SYNE1: variants seen among roughly 807,000 people sequenced by gnomAD.
The protein encoded by SYNE1 is spectrin repeat containing nuclear envelope protein 1, also known as nesprin-1.
In SYNE1, 616 loss-of-function variants were observed where a neutral mutation model predicts 1,111.0. The ratio of observed to expected loss-of-function variants is 0.55; its 90% CI spans 0.52 to 0.59. The LOEUF (loss-of-function observed/expected upper bound fraction) is 0.59. Ranked by LOEUF, SYNE1 falls within the 20% of genes least tolerant of loss-of-function variation. The probability of loss-of-function intolerance (pLI) is 0.00; values close to 1 mark genes in which losing one functional copy is unlikely to be tolerated. For synonymous variants in SYNE1, 3,855 were observed against 3,825.8 expected (o/e 1.01, Z -0.28); for missense variants, 10,006 against 10,417.0 (o/e 0.96, Z 1.72).
intron 3 of SYNE1, among the ~76,000 whole-genome samples, chr6:152,627,469 A>G (rs1473060867): frequency 6.8e-6 from 1 of 146,842 alleles, no homozygotes; most frequent in Non-Finnish European, 1.5e-5. Flanking sequence ...CCGGGTCAAC[A>G]TGGTGAAACC....
In SYNE1 at chr6:152,239,332, A is replaced by C. The variant is rs115239120; in HGVS notation, c.20067+201T>G. Among the ~76,000 whole-genome samples the C allele has an allele frequency of 4.7e-3, 710 of 152,324 alleles. 9 individuals carry two copies. Among genetic ancestry groups the C allele is most frequent in the African/African-American group, 0.016 (656 of 41,572 alleles). ...ATCTATCTTACTTTCGACATGGCAC[A>C]GCAGATAGCCCAATGTACACAGAAA... is the stretch of plus-strand genomic sequence containing the variant. On this transcript the variant is annotated intron_variant, in intron 108 of 145. Transcript: ENST00000367255.
chr6:152,451,590 C>T (rs1475356101), intron 25 of SYNE1, among the ~76,000 whole-genome samples: 1 of 143,084 alleles, frequency 7.0e-6, no homozygotes, highest in Non-Finnish European at 1.5e-5. Context: ...TCAAGCGATT[C>T]TCCTGTCTCA....
chr6:152,354,881 C>T lies in SYNE1; in HGVS notation c.10704G>A (p.Glu3568=). 1 of 1,614,182 alleles carries T rather than the reference C, an allele frequency of 6.2e-7. No homozygotes were observed. Among genetic ancestry groups the T allele is most frequent in the South Asian group, 1.1e-5 (1 of 91,082 alleles). The change falls in exon 67 of 146, where the codon GAG becomes GAA. Residue 3568 remains glutamate, a synonymous_variant. Coordinates refer to ENST00000367255, the MANE Select transcript of SYNE1 (RefSeq NM_182961.4). ...DVIPSGIPQA[E]DRALESLRQD... The stretch of plus-strand genomic sequence containing the variant: ...GCCGGAGAGACTCTAAAGCCCGGTC[C>T]TCTGCCTGTGGGATACCTGATGGGA...
At chr6:152,313,823 A>G (rs2095627439) in intron 87 of SYNE1, among the ~76,000 whole-genome samples, 1 of 152,144 alleles carries the variant, frequency 6.6e-6, no homozygotes, top group South Asian at 2.1e-4. Flanking sequence ...AAAAGAGTCT[A>G]CAGTCTGCGT....
intron 137 of SYNE1, chr6:152,144,481 AGTGT>A (rs58614483): frequency 8.6e-4 from 97 of 112,228 alleles, no homozygotes; most frequent in South Asian, 1.4e-3. Flanking sequence ...AATTACTGAG[AGTGT>A]GTGTGTGTGT....
chr6:152,284,636 TTA>T (rs1491093112), intron 95 of SYNE1, among the ~76,000 whole-genome samples: 22 of 147,054 alleles, frequency 1.5e-4, no homozygotes, highest in Middle Eastern at 3.5e-3. Flanking sequence ...TTTTTTTTTT[TTA>T]CTTTTTGTAA....
chr6:152,243,065 A>G (rs1033486946), intron 106 of SYNE1, among the ~76,000 whole-genome samples: 10 of 152,226 alleles, frequency 6.6e-5, no homozygotes, highest in African/African-American at 2.2e-4. Context: ...TGTTTCCTAG[A>G]AATGATACAT....
intron 4 of SYNE1, among the ~76,000 whole-genome samples, chr6:152,531,918 GT>G (rs1473067173): frequency 2.6e-5 from 4 of 152,104 alleles, no homozygotes; most frequent in Non-Finnish European, 4.4e-5. Flanking sequence ...CATCTGCATT[GT>G]TTCCATTTTC....
intron 63 of SYNE1, among the ~76,000 whole-genome samples, chr6:152,364,463 T>TG (rs1563385341): frequency 6.6e-6 from 1 of 151,764 alleles, no homozygotes; most frequent in African/African-American, 2.4e-5. Context: ...CTTTTTTTTT[T>TG]TGTATTTTTA....
chr6:152,282,489 G>C (rs9397093), intron 96 of SYNE1, among the ~76,000 whole-genome samples: 62,223 of 151,800 alleles, frequency 0.41, 14,145 homozygotes, highest in East Asian at 0.63. Flanking sequence ...CCAGTAAAGG[G>C]AGAAATCCAA....
intron 3 of SYNE1, among the ~76,000 whole-genome samples, chr6:152,617,753 A>G (rs2099662454): frequency 6.6e-6 from 1 of 152,216 alleles, no homozygotes; most frequent in Non-Finnish European, 1.5e-5. Flanking sequence ...GTAGAGTACA[A>G]ACGAGGAATC....
intron 128 of SYNE1, 24 bp from the exon 129 acceptor site, chr6:152,180,318 T>C (rs754128106): frequency 3.7e-6 from 6 of 1,612,810 alleles, no homozygotes; most frequent in East Asian, 2.2e-5. Flanking sequence ...AATGGGAGAA[T>C]AGGCAAAATG....
In SYNE1 at chr6:152,391,398, G is replaced by A. The variant is rs766593872; in HGVS notation, c.7883C>T (p.Ala2628Val). 1 of 1,613,934 alleles carries A rather than the reference G, an allele frequency of 6.2e-7. No individual in the cohort carries two copies. Among genetic ancestry groups the A allele is most frequent in the Admixed American group, 1.7e-5 (1 of 59,998 alleles). The change falls in exon 52 of 146, where the codon GCC becomes GTC. Residue 2628 changes from alanine to valine, a missense_variant. Coordinates refer to ENST00000367255, the MANE Select transcript of SYNE1 (RefSeq NM_182961.4). ...CATGCTTTGCAGTGCTTCCTCCAGGGCTTCGTGCTCCTGAAGGGCCACCTG... is the reference window on the plus strand; with the variant it reads ...CATGCTTTGCAGTGCTTCCTCCAGGACTTCGTGCTCCTGAAGGGCCACCTG... ...SCQVALQEHE[A>V]LEEALQSMWF... is the part of the protein sequence containing the mutation.
In SYNE1 at chr6:152,446,142, A is replaced by G. The variant is rs191153968; in HGVS notation, c.3669+1316T>C. On this transcript the variant is annotated intron_variant, in intron 29 of 145. Coordinates refer to ENST00000367255, the MANE Select transcript of SYNE1 (RefSeq NM_182961.4). ...TTTTTTTTTTTTGGTGAGACAAAAT[A>G]TATTACAAGCTTGTCTGTGAATAAC... is the stretch of plus-strand genomic sequence containing the variant. Among the ~76,000 whole-genome samples the G allele has an allele frequency of 9.0e-4, 132 of 146,762 alleles. 1 individual carries two copies. The highest frequency in any genetic ancestry group is 3.1e-3 in the African/African-American group (123 of 39,734).
chr6:152,339,835 G>GTAT (rs1168607636), intron 74 of SYNE1, among the ~76,000 whole-genome samples: 1 of 152,172 alleles, frequency 6.6e-6, no homozygotes, highest in Non-Finnish European at 1.5e-5. Context: ...GATTCATCTT[G>GTAT]TATTATTCTC....
intron 3 of SYNE1, among the ~76,000 whole-genome samples, chr6:152,568,056 A>T (rs574268335): frequency 3.8e-4 from 58 of 152,206 alleles, no homozygotes; most frequent in African/African-American, 1.3e-3. Context: ...ACACCAAAAT[A>T]AATACCAAAT....
At position 152,326,288 on chromosome 6, in the gene SYNE1, T is replaced by G; in HGVS notation, c.15293+8A>C. 3 of 1,614,130 alleles carry G rather than the reference T, an allele frequency of 1.9e-6. No homozygotes were observed. Among genetic ancestry groups the G allele is most frequent in the Non-Finnish European group, 2.5e-6 (3 of 1,179,978 alleles). ...CTAAAACATAAAACACAAAACATCCTGAAATACCTCTGCAAGAGATCCACT... is the reference window on the plus strand; with the variant it reads ...CTAAAACATAAAACACAAAACATCCGGAAATACCTCTGCAAGAGATCCACT... On this transcript the variant is annotated splice_region_variant and intron_variant, in intron 79 of 145. Transcript: ENST00000367255.
At chr6:152,448,603 A>C (rs1169674962) in intron 28 of SYNE1, among the ~76,000 whole-genome samples, 1 of 152,178 alleles carries the variant, frequency 6.6e-6, no homozygotes, top group Non-Finnish European at 1.5e-5. Flanking sequence ...GCACTTTGGG[A>C]GGCCGAGCAG....
intron 104 of SYNE1, among the ~76,000 whole-genome samples, chr6:152,251,942 T>C (rs868791681): frequency 1.8e-4 from 28 of 152,154 alleles, no homozygotes; most frequent in African/African-American, 5.5e-4. Context: ...ATTCTAGCCA[T>C]TGAGAAACAG....
Sources: gnomAD v4.1 joint callset for allele counts (sites outside exome capture counted in the v4.1 genomes callset) on GRCh38, gnomAD v4.1.1 for gene constraint, MANE v1.5 for transcripts, NCBI Gene and HGNC (gene_info 2026-07-23, HGNC 2026-07-21) for gene names.